Variants in ROBO2 observed in about 807,000 individuals in gnomAD.
The protein encoded by ROBO2 is roundabout guidance receptor 2, also known as roundabout homolog 2.
ROBO2 carries 53 observed loss-of-function variants against 160.8 expected under a neutral mutation model. That is an observed-to-expected ratio of 0.33 (90% CI 0.26 to 0.41). The LOEUF (loss-of-function observed/expected upper bound fraction) is 0.41, where lower values mean the gene tolerates loss of function less well. Ranked by LOEUF, ROBO2 falls within the 10% of genes least tolerant of loss-of-function variation. The probability of loss-of-function intolerance (pLI) is 1.00; values close to 1 mark genes in which losing one functional copy is unlikely to be tolerated. For missense variants in ROBO2, 1,577 were observed against 1,722.4 expected, an observed-to-expected ratio of 0.92 and a Z score of 1.49; for synonymous variants, 664 against 611.7, an observed-to-expected ratio of 1.09 and a Z score of -1.26.
At chr3:76,710,448 A>G (rs551096431) in intron 2 of ROBO2, among the ~76,000 whole-genome samples, 1 of 152,318 alleles carries the variant, frequency 6.6e-6, no homozygotes, top group Non-Finnish European at 1.5e-5. Flanking sequence ...GAAAAAGGCT[A>G]GGCTCAGCTA....
chr3:76,870,407 G>A (rs891931481), intron 2 of ROBO2, among the ~76,000 whole-genome samples: 14 of 152,130 alleles, frequency 9.2e-5, no homozygotes, highest in African/African-American at 3.1e-4. Flanking sequence ...ACTTTTATAA[G>A]TTTCCCCAGT....
chr3:75,963,497 G>GT (rs1303879942), intron 2 of ROBO2, among the ~76,000 whole-genome samples: 2 of 151,708 alleles, frequency 1.3e-5, no homozygotes, highest in African/African-American at 2.4e-5. Flanking sequence ...TCATGAAACT[G>GT]TTTTTTTAAA....
intron 2 of ROBO2, among the ~76,000 whole-genome samples, chr3:77,108,024 A>AT (rs201259009): frequency 6.6e-6 from 1 of 151,744 alleles, no homozygotes; most frequent in Non-Finnish European, 1.5e-5. Context: ...ACATACATAT[A>AT]TTTTTTTCTT....
At chr3:76,949,723 C>T (rs2078846059) in intron 2 of ROBO2, among the ~76,000 whole-genome samples, 1 of 152,172 alleles carries the variant, frequency 6.6e-6, no homozygotes, top group African/African-American at 2.4e-5. Flanking sequence ...CTGCCCCTTG[C>T]TCCCAAGATG....
At chr3:76,315,920 C>A (rs2071982655) in intron 2 of ROBO2, among the ~76,000 whole-genome samples, 1 of 152,020 alleles carries the variant, frequency 6.6e-6, no homozygotes, top group African/African-American at 2.4e-5. Context: ...AGAAAGAATA[C>A]AAAGAGAGGA....
intron 2 of ROBO2, among the ~76,000 whole-genome samples, chr3:76,748,176 T>A (rs1341261491): frequency 6.6e-6 from 1 of 152,012 alleles, no homozygotes; most frequent in Non-Finnish European, 1.5e-5. Flanking sequence ...ATTTTTACTC[T>A]ACATTGTTGT....
chr3:77,455,083 A>T (rs1298807522), intron 2 of ROBO2, among the ~76,000 whole-genome samples: 1 of 152,306 alleles, frequency 6.6e-6, no homozygotes, highest in Admixed American at 6.5e-5. Flanking sequence ...TAAAATTATT[A>T]TGGGAGAACA....
intron 2 of ROBO2, among the ~76,000 whole-genome samples, chr3:76,481,654 C>T (rs564175207): frequency 2.0e-5 from 3 of 152,220 alleles, no homozygotes; most frequent in African/African-American, 7.2e-5. Context: ...TTGGACCCTA[C>T]CCCAGTCCTT....
chr3:77,592,690 T>C (rs2094208047), intron 17 of ROBO2, among the ~76,000 whole-genome samples: 3 of 152,176 alleles, frequency 2.0e-5, no homozygotes, highest in African/African-American at 7.2e-5. Context: ...TAGCTGGGAT[T>C]ACAGGCACTT....
chr3:77,373,617 G>T (rs888895438), intron 2 of ROBO2, among the ~76,000 whole-genome samples: 1 of 152,040 alleles, frequency 6.6e-6, no homozygotes, highest in Non-Finnish European at 1.5e-5. Context: ...CCAAGTGAAT[G>T]GCTTATCTCC....
At chr3:77,469,653 C>G (rs977704840) in intron 2 of ROBO2, among the ~76,000 whole-genome samples, 2 of 152,058 alleles carry the variant, frequency 1.3e-5, no homozygotes, top group Non-Finnish European at 2.9e-5. Context: ...TGATTTCTGA[C>G]CTTCTTGAAC....
chr3:77,220,037 G>C (rs1421210838), intron 2 of ROBO2, among the ~76,000 whole-genome samples: 3 of 151,836 alleles, frequency 2.0e-5, no homozygotes, highest in Admixed American at 2.0e-4. Context: ...TTGAGATGGA[G>C]TCTCACTCTG....
intron 6 of ROBO2, among the ~76,000 whole-genome samples, chr3:77,543,480 G>C (rs1170624420): frequency 6.6e-6 from 1 of 152,148 alleles, no homozygotes; most frequent in African/African-American, 2.4e-5. Flanking sequence ...TATTTTAGCA[G>C]TGGTGTTAAA....
At chr3:76,047,915 A>G (rs923831946) in intron 2 of ROBO2, among the ~76,000 whole-genome samples, 4 of 152,186 alleles carry the variant, frequency 2.6e-5, no homozygotes, top group Admixed American at 6.5e-5. Context: ...TGAAGTTACA[A>G]CTTTGGAGAA....
intron 2 of ROBO2, among the ~76,000 whole-genome samples, chr3:77,403,476 T>C (rs2075989077): frequency 6.6e-6 from 1 of 152,092 alleles, no homozygotes; most frequent in African/African-American, 2.4e-5. Context: ...TCTTTCTGAG[T>C]CTGGCTTCTT....
chr3:76,978,610 T>A (rs1297192744), intron 2 of ROBO2, among the ~76,000 whole-genome samples: 2 of 152,118 alleles, frequency 1.3e-5, no homozygotes, highest in Admixed American at 1.3e-4. Flanking sequence ...ATGAAAGCAG[T>A]ATTATAAAGG....
At chr3:75,911,953 C>T (rs1345233393) in intron 1 of ROBO2, among the ~76,000 whole-genome samples, 2 of 152,120 alleles carry the variant, frequency 1.3e-5, no homozygotes, top group African/African-American at 4.8e-5. Flanking sequence ...TTACAAGGGC[C>T]TCAGCACATG....
intron 2 of ROBO2, among the ~76,000 whole-genome samples, chr3:76,766,293 A>G (rs1327814203): frequency 1.3e-5 from 2 of 151,680 alleles, no homozygotes; most frequent in Non-Finnish European, 3.0e-5. Context: ...GATCTCTAAA[A>G]TCTGATCTGG....
chr3:76,693,445 T>C (rs1160238583), intron 2 of ROBO2, among the ~76,000 whole-genome samples: 4 of 128,050 alleles, frequency 3.1e-5, no homozygotes, highest in African/African-American at 1.2e-4. Context: ...ACTCTATATA[T>C]GTGTATATAT....
Sources: gnomAD v4.1 joint callset for allele counts (sites outside exome capture counted in the v4.1 genomes callset) on GRCh38, gnomAD v4.1.1 for gene constraint, MANE v1.5 for transcripts, NCBI Gene and HGNC (gene_info 2026-07-23, HGNC 2026-07-21) for gene names.